ULK4: variants seen among roughly 807,000 people sequenced by gnomAD.
ULK4 encodes unc-51 like kinase 4.
In ULK4, 133 loss-of-function variants were observed where a neutral mutation model predicts 160.6. That is an observed-to-expected ratio of 0.83 (90% CI 0.72 to 0.96). The LOEUF (loss-of-function observed/expected upper bound fraction) is 0.96, where lower values mean the gene tolerates loss of function less well. Among genes scored for constraint, ULK4 ranks in the 40% least tolerant of loss-of-function variants. The pLI, the probability that ULK4 is intolerant of heterozygous loss-of-function variation, is 0.00. For synonymous variants in ULK4, 534 were observed against 539.8 expected (o/e 0.99, Z 0.15); for missense variants, 1,580 against 1,499.5 (o/e 1.05, Z -0.89).
Position 41,398,788 on chromosome 3 carries a change from A to G in ULK4, c.3493-524T>C, listed in dbSNP as rs1575512662. Among the ~76,000 whole-genome samples, 3 of 152,158 alleles carry G rather than the reference A, an allele frequency of 2.0e-5. No homozygotes were observed. In the South Asian group the frequency reaches 6.2e-4, roughly 32 times the overall value. On this transcript the variant is annotated intron_variant, in intron 34 of 36. Coordinates refer to ENST00000301831, the MANE Select transcript of ULK4 (RefSeq NM_017886.4). ...AGAAGGTCCTATATTCTTCTTTTTA[A>G]AAAGTTTTTTTTATTATTTTATTTT... is the stretch of plus-strand genomic sequence containing the variant.
At chr3:41,369,802 A>C (rs1424977040) in intron 35 of ULK4, among the ~76,000 whole-genome samples, 1 of 151,920 alleles carries the variant, frequency 6.6e-6, no homozygotes, top group Non-Finnish European at 1.5e-5. Flanking sequence ...TCAAAAAAAA[A>C]AAAAAAAATC....
At chr3:41,490,384 G>A (rs2084707629) in intron 32 of ULK4, among the ~76,000 whole-genome samples, 1 of 152,172 alleles carries the variant, frequency 6.6e-6, no homozygotes, top group Admixed American at 6.5e-5. Flanking sequence ...TATGTTCATA[G>A]CTGACTGTGG....
chr3:41,521,598 G>T (rs1394676706), intron 32 of ULK4, among the ~76,000 whole-genome samples: 1 of 152,144 alleles, frequency 6.6e-6, no homozygotes, highest in Non-Finnish European at 1.5e-5. Flanking sequence ...TGTAAAACAG[G>T]TGATACAGTC....
At chr3:41,445,948 T>C (rs1346949904) in intron 34 of ULK4, among the ~76,000 whole-genome samples, 3 of 151,602 alleles carry the variant, frequency 2.0e-5, no homozygotes, top group African/African-American at 7.3e-5. Context: ...ACCTACAAAA[T>C]GGGAGAAAAT....
intron 22 of ULK4, 140 bp downstream of exon 22, chr3:41,754,221 T>C (rs957722274): frequency 2.1e-6 from 2 of 942,282 alleles, no homozygotes; most frequent in African/African-American, 3.4e-5. Context: ...CAAGCTGAGA[T>C]TACAGGTGAA....
intron 17 of ULK4, among the ~76,000 whole-genome samples, chr3:41,843,317 G>C (rs2125664042): frequency 6.6e-6 from 1 of 152,300 alleles, no homozygotes; most frequent in Middle Eastern, 3.4e-3. Flanking sequence ...AGCTGCCAAG[G>C]ATGATGAGAA....
chr3:41,661,836 C>T (rs2035181295), intron 30 of ULK4, among the ~76,000 whole-genome samples: 1 of 152,112 alleles, frequency 6.6e-6, no homozygotes, highest in African/African-American at 2.4e-5. Flanking sequence ...TAAACCTAGT[C>T]TCTAATCACT....
At chr3:41,388,807 A>G (rs1447351236) in intron 35 of ULK4, among the ~76,000 whole-genome samples, 57 of 152,174 alleles carry the variant, frequency 3.7e-4, no homozygotes, top group South Asian at 4.2e-4. Context: ...GTCAGGTAGC[A>G]TGATCCCTCC....
intron 32 of ULK4, among the ~76,000 whole-genome samples, chr3:41,541,143 T>A (rs148400276): frequency 5.6e-4 from 86 of 152,334 alleles, no homozygotes; most frequent in African/African-American, 1.9e-3. Flanking sequence ...GGTTTTCTTC[T>A]AGGGTTTTTA....
chr3:41,679,881 TTTTG>T (rs2035864681), intron 29 of ULK4, among the ~76,000 whole-genome samples: 2 of 152,160 alleles, frequency 1.3e-5, no homozygotes, highest in Admixed American at 1.3e-4. Context: ...TTCTTTTTGT[TTTTG>T]TTTTTTTCTT....
At chr3:41,950,350 C>G (rs574113540) in intron 2 of ULK4, among the ~76,000 whole-genome samples, 70 of 152,302 alleles carry the variant, frequency 4.6e-4, no homozygotes, top group African/African-American at 1.7e-3. Flanking sequence ...AAGTGATTCT[C>G]CTGCCTCAGC....
chr3:41,707,975 T>C (rs1418707003), intron 25 of ULK4, among the ~76,000 whole-genome samples: 1 of 151,734 alleles, frequency 6.6e-6, no homozygotes, highest in African/African-American at 2.4e-5. Context: ...TCACTTCACA[T>C]CCATAAGAAT....
intron 35 of ULK4, among the ~76,000 whole-genome samples, chr3:41,313,321 G>A (rs535745161): frequency 6.6e-6 from 1 of 152,318 alleles, no homozygotes; most frequent in East Asian, 1.9e-4. Flanking sequence ...AATTAAACTA[G>A]TTAATGTATG....
intron 32 of ULK4, among the ~76,000 whole-genome samples, chr3:41,475,167 G>GA (rs1176898453): frequency 1.3e-5 from 2 of 151,966 alleles, no homozygotes; most frequent in African/African-American, 4.8e-5. Context: ...CCTTAAAAAA[G>GA]AAAAAATTCT....
rs569218502 is a variant in ULK4, at chr3:41,455,356, G to A, written c.3492+141C>T. The A allele has an allele frequency of 1.8e-5, 13 of 711,090 alleles. No homozygotes were observed. In the East Asian group the frequency reaches 2.9e-4, roughly 16 times the overall value. The allele number at this position is 711,090 out of a possible 1,614,324, so 44.0% of individuals were successfully genotyped here. A position where few individuals can be genotyped will look rare whatever the true frequency, so the allele number is the denominator to read the frequency against. On this transcript the variant is annotated intron_variant, in intron 34 of 36. Coordinates refer to ENST00000301831, the MANE Select transcript of ULK4 (RefSeq NM_017886.4). ...ATAAAGTAGAGATTTAGTTTTCCAG[G>A]CCAAATAATCTTCTGAAAGTTCTTT...
rs141802612 is a variant in ULK4, at chr3:41,437,468, C to G, written c.3492+18029G>C. 1.9e-3 allele frequency among the ~76,000 whole-genome samples: 283 copies of G among 152,304 alleles called. 2 individuals carry two copies. The highest frequency in any genetic ancestry group is 3.3e-3 in the Non-Finnish European group (222 of 68,032). The stretch of plus-strand genomic sequence containing the variant: ...ACCTCATAGGGAAAATGTTGGGTAT[C>G]TCTGGTGTGTAAACAGCTGGCAGTG... On this transcript the variant is annotated intron_variant, in intron 34 of 36. Transcript: ENST00000301831.
intron 35 of ULK4, chr3:41,278,095 C>A (rs147901069): frequency 7.9e-4 from 120 of 152,448 alleles, no homozygotes; most frequent in Non-Finnish European, 1.2e-3. Flanking sequence ...TGCCCAAACA[C>A]TGCACTTTTC....
rs1211351475 is a variant in ULK4 at position 41,765,209 on chromosome 3, C to T, written c.2194-10721G>A. Among the ~76,000 whole-genome samples the T allele has an allele frequency of 4.6e-5, 7 of 152,222 alleles. No individual in the cohort carries two copies. The East Asian group carries it at 1.2e-3, about 25-fold the overall frequency. On this transcript the variant is annotated intron_variant, in intron 21 of 36. Coordinates refer to ENST00000301831, the MANE Select transcript of ULK4 (RefSeq NM_017886.4). ...TTAAGAAAATGTGGCACATATACACCATGGAATACTATACAGCCATAAAAA... is the reference window on the plus strand; with the variant it reads ...TTAAGAAAATGTGGCACATATACACTATGGAATACTATACAGCCATAAAAA...
At position 41,800,128 on chromosome 3, in the gene ULK4, T is replaced by C. The variant is rs746026801; in HGVS notation, c.2010+4A>G. ...CATATCCCCCAAAAGATGCTTCATC[T>C]TACCGATACTGCTGTTATCCTAAGA... is the stretch of plus-strand genomic sequence containing the variant. On this transcript the variant is annotated splice_donor_region_variant and intron_variant, in intron 20 of 36. Transcript: ENST00000301831. 1 of 1,584,722 alleles carries C rather than the reference T, an allele frequency of 6.3e-7. No homozygotes were observed. Among genetic ancestry groups the C allele is most frequent in the Non-Finnish European group, 8.6e-7 (1 of 1,169,538 alleles).
Sources: allele counts gnomAD v4.1 joint callset (sites outside exome capture counted in the v4.1 genomes callset), GRCh38; gene constraint gnomAD v4.1.1; transcripts MANE v1.5; gene names NCBI Gene and HGNC (gene_info 2026-07-23, HGNC 2026-07-21).